Variants in HCFC2 observed in about 807,000 individuals in gnomAD.
HCFC2 encodes the protein host cell factor C2.
In HCFC2, 18 loss-of-function variants were observed where a neutral mutation model predicts 89.2. The ratio of observed to expected loss-of-function variants is 0.20; its 90% CI spans 0.14 to 0.30. The LOEUF is 0.30. Among genes scored for constraint, HCFC2 ranks in the 10% least tolerant of loss-of-function variants. The pLI is 1.00. For synonymous variants in HCFC2, 308 were observed against 335.7 expected (o/e 0.92, Z 0.90); for missense variants, 578 against 956.1 (o/e 0.60, Z 5.21).
In HCFC2 at chr12:104,103,288, T is replaced by G; in HGVS notation, c.*15T>G. Reference sequence around the variant, plus strand: ...CTTTAAATTGAATTGGTTTTTTTACTGAAGCTATTGTGATGATGATTATTT... The same window carrying G: ...CTTTAAATTGAATTGGTTTTTTTACGGAAGCTATTGTGATGATGATTATTT... On this transcript the variant is annotated 3_prime_UTR_variant, in exon 15 of 15. Transcript: ENST00000229330. 1.3e-6 allele frequency: 2 copies of G among 1,585,316 alleles called. No individual in the cohort carries two copies. The highest frequency in any genetic ancestry group is 2.3e-5 in the South Asian group (2 of 88,786).
chr12:104,088,126 A>C, intron 9 of HCFC2, 88 bp downstream of exon 9: 1 of 814,190 alleles, frequency 1.2e-6, no homozygotes, highest in Non-Finnish European at 1.9e-6. Flanking sequence ...ACTACTCTAG[A>C]AGAGGGGTCC....
At position 104,076,944 on chromosome 12, in the gene HCFC2, A is replaced by C. The variant is rs543339995; in HGVS notation, c.474-2501A>C. 2.0e-5 allele frequency among the ~76,000 whole-genome samples: 3 copies of C among 152,294 alleles called. No homozygotes were observed. The East Asian group carries it at 5.8e-4, about 29-fold the overall frequency. ...GATTTTTTTAAGTTGTGATGAGGGAAAACATTTGCATATGTATATGTATAT... is the reference window on the plus strand; with the variant it reads ...GATTTTTTTAAGTTGTGATGAGGGACAACATTTGCATATGTATATGTATAT... On this transcript the variant is annotated intron_variant, in intron 3 of 14. Coordinates refer to ENST00000229330, the MANE Select transcript of HCFC2 (RefSeq NM_013320.3).
intron 5 of HCFC2, 110 bp downstream of exon 5, chr12:104,080,940 C>T: frequency 3.0e-6 from 2 of 663,986 alleles, no homozygotes; most frequent in Non-Finnish European, 5.0e-6. Context: ...TGAAACTTAA[C>T]AAAGTTTGAT....
rs1276853380 is a variant in HCFC2, at chr12:104,093,362, A to G, written c.1285-24A>G. On this transcript the variant is annotated intron_variant, in intron 9 of 14. Transcript: ENST00000229330. The stretch of plus-strand genomic sequence containing the variant: ...TATTTCATTGAATATTGCTTACTAC[A>G]GTAATCTGTTATATTTCTTGTAGAT... The G allele has an allele frequency of 3.2e-6, 5 of 1,549,694 alleles. No homozygotes were observed. The African/African-American group carries it at 4.1e-5, about 13-fold the overall frequency.
At chr12:104,099,501 TGA>T (rs1276448969) in intron 13 of HCFC2, among the ~76,000 whole-genome samples, 1 of 152,068 alleles carries the variant, frequency 6.6e-6, no homozygotes, top group East Asian at 1.9e-4. Context: ...CTCAGGAGGC[TGA>T]GTCAGGAGGA....
At chr12:104,067,387 C>T (rs906909112) in intron 2 of HCFC2, among the ~76,000 whole-genome samples, 8 of 152,204 alleles carry the variant, frequency 5.3e-5, no homozygotes, top group African/African-American at 1.9e-4. Context: ...GACTTTTCTT[C>T]CTGATCTGTG....
chr12:104,066,371 A>G (rs1426354680), intron 2 of HCFC2, 56 bp downstream of exon 2: 3 of 1,362,536 alleles, frequency 2.2e-6, no homozygotes, highest in Non-Finnish European at 3.0e-6. Flanking sequence ...ATTGTTCATA[A>G]TTTTTCAAAA....
chr12:104,095,350 T>G lies in HCFC2; in HGVS notation c.1463-10T>G. 6.2e-7 allele frequency: 1 copy of G among 1,601,106 alleles called. No individual in the cohort carries two copies. The highest frequency in any genetic ancestry group is 8.6e-7 in the Non-Finnish European group (1 of 1,168,966). ...TCATATTAATAATTACCTTTTCCCT[T>G]TTATTTTAGGTCCTCACACTTCAGC... is the stretch of plus-strand genomic sequence containing the variant. On this transcript the variant is annotated splice_polypyrimidine_tract_variant and intron_variant, in intron 10 of 14. Coordinates refer to ENST00000229330, the MANE Select transcript of HCFC2 (RefSeq NM_013320.3). The surrounding 1 kb of genome is among the most constrained non-coding windows in gnomAD (Gnocchi z 4.2).
At chr12:104,069,680 T>A (rs1011642037) in intron 3 of HCFC2, among the ~76,000 whole-genome samples, 28 of 152,124 alleles carry the variant, frequency 1.8e-4, no homozygotes, top group African/African-American at 6.5e-4. Flanking sequence ...TCTCTTTTTT[T>A]ATTTTTTTAT....
chr12:104,078,298 G>A (rs1477344272), intron 3 of HCFC2, among the ~76,000 whole-genome samples: 4 of 152,194 alleles, frequency 2.6e-5, no homozygotes, highest in East Asian at 1.9e-4. Context: ...ACCGCGCCAG[G>A]CCTATTCAAA....
chr12:104,094,692 A>G (rs78879215), intron 10 of HCFC2, among the ~76,000 whole-genome samples: 7,132 of 152,276 alleles, frequency 0.047, 184 homozygotes, highest in South Asian at 0.11. Flanking sequence ...GGGGAGATCA[A>G]GGAAGTATAA....
At chr12:104,094,189 T>G (rs1884111010) in intron 10 of HCFC2, among the ~76,000 whole-genome samples, 1 of 152,202 alleles carries the variant, frequency 6.6e-6, no homozygotes, top group African/African-American at 2.4e-5. Flanking sequence ...TAAAGATTTC[T>G]AATGGGCAGT....
In HCFC2 at chr12:104,086,829, A is replaced by AT; in HGVS notation, c.1064-17dup. On this transcript the variant is annotated splice_polypyrimidine_tract_variant and intron_variant, in intron 7 of 14. Coordinates refer to ENST00000229330, the MANE Select transcript of HCFC2 (RefSeq NM_013320.3). ...TACACTGGAAACTTAAATGTATAAT[A>AT]TCATGATTGTTCTATAGAGAAACCA... The AT allele has an allele frequency of 6.2e-7, 1 of 1,610,444 alleles. No individual in the cohort carries two copies. Among genetic ancestry groups the AT allele is most frequent in the Non-Finnish European group, 8.5e-7 (1 of 1,177,192 alleles).
At chr12:104,087,441 G>A (rs61102546) in intron 8 of HCFC2, among the ~76,000 whole-genome samples, 22 of 88,490 alleles carry the variant, frequency 2.5e-4, no homozygotes, top group African/African-American at 6.1e-4. Context: ...GTGTGTGTGT[G>A]TATGTGTGTG....
Position 104,095,409 on chromosome 12 carries a change from A to G in HCFC2, c.1512A>G (p.Val504=), listed in dbSNP as rs749165947. The change falls in exon 11 of 15, where the codon GTA becomes GTG. Residue 504 remains valine, a synonymous_variant. Transcript: ENST00000229330. The surrounding 1 kb of genome is among the most constrained non-coding windows in gnomAD (Gnocchi z 4.2). ...NVGVLSSCLD[V]RTVIPETSVS... is the part of the protein sequence containing the mutation. ...GTGTTCTAAGTAGTTGCCTGGATGT[A>G]AGAACAGTAATTCCTGAAACATCTG... is the stretch of plus-strand genomic sequence containing the variant. The G allele has an allele frequency of 2.5e-6, 4 of 1,613,726 alleles. No homozygotes were observed. The highest frequency in any genetic ancestry group is 8.5e-7 in the Non-Finnish European group (1 of 1,179,746).
chr12:104,087,382 C>T lies in HCFC2; in HGVS notation c.1231+368C>T, dbSNP rs1883885310. ...AAAAAAAAAAAAATTCACACACACA[C>T]GCACACAAGCACACATATACTGCAG... is the stretch of plus-strand genomic sequence containing the variant. On this transcript the variant is annotated intron_variant, in intron 8 of 14. Coordinates refer to ENST00000229330, the MANE Select transcript of HCFC2 (RefSeq NM_013320.3). 5.4e-5 allele frequency among the ~76,000 whole-genome samples: 8 copies of T among 148,992 alleles called. 1 individual carries two copies. The highest frequency in any genetic ancestry group is 2.1e-4 in the South Asian group (1 of 4,724).
chr12:104,080,768 A>G lies in HCFC2; in HGVS notation c.705A>G (p.Pro235=). The change falls in exon 5 of 15, where the codon CCA becomes CCG. Residue 235 remains proline, a synonymous_variant. Coordinates refer to ENST00000229330, the MANE Select transcript of HCFC2 (RefSeq NM_013320.3). ...LDLETMSWSK[P]ETKGTVPLPR... is the part of the protein sequence containing the mutation. ...TAGAAACTATGTCATGGTCAAAACC[A>G]GAAACTAAAGGGACAGTGCCACTTC... The G allele has an allele frequency of 6.2e-7, 1 of 1,606,872 alleles. No individual in the cohort carries two copies. Among genetic ancestry groups the G allele is most frequent in the South Asian group, 1.1e-5 (1 of 88,942 alleles).
chr12:104,074,003 A>G (rs1473744682), intron 3 of HCFC2, among the ~76,000 whole-genome samples: 2 of 152,218 alleles, frequency 1.3e-5, no homozygotes, highest in Non-Finnish European at 2.9e-5. Context: ...AATATTTACT[A>G]TCGGACCCTT....
chr12:104,071,883 T>G (rs1352456670), intron 3 of HCFC2, among the ~76,000 whole-genome samples: 6 of 152,320 alleles, frequency 3.9e-5, no homozygotes, highest in Non-Finnish European at 1.5e-5. Flanking sequence ...CTCATTGTGG[T>G]TTTAATTTGC....
Sources: gnomAD v4.1 joint callset for allele counts (sites outside exome capture counted in the v4.1 genomes callset) on GRCh38, gnomAD v4.1.1 for gene constraint, Gnocchi (gnomAD v3.1) non-coding constraint, MANE v1.5 for transcripts, NCBI Gene and HGNC (gene_info 2026-07-23, HGNC 2026-07-21) for gene names.